The following SMYD3 variants were observed in gnomAD, a reference collection of about 807,000 sequenced individuals.
The protein encoded by SMYD3 is SET and MYND domain containing 3, also known as histone-lysine N-methyltransferase SMYD3.
In SMYD3, 36 loss-of-function variants were observed where a neutral mutation model predicts 57.7. That is an observed-to-expected ratio of 0.62 (90% confidence interval 0.48 to 0.82). The LOEUF (loss-of-function observed/expected upper bound fraction) is 0.82, where lower values mean the gene tolerates loss of function less well. Ranked by LOEUF, SMYD3 falls within the 40% of genes least tolerant of loss-of-function variation. The pLI, the probability that SMYD3 is intolerant of heterozygous loss-of-function variation, is 0.00. For missense variants in SMYD3, 515 were observed against 538.8 expected (o/e 0.96, Z 0.44); for synonymous variants, 211 against 195.0 (o/e 1.08, Z -0.68).
rs563414280 is a variant in SMYD3 at position 246,369,514 on chromosome 1, T to C, written c.165-14420A>G. ...AGACTCATAGGAAAATAGAATTGAT[T>C]TGGATTCATTTTTCTTTCTTTTTTA... On this transcript the variant is annotated intron_variant, in intron 1 of 11. Coordinates refer to ENST00000490107, the MANE Select transcript of SMYD3 (RefSeq NM_001167740.2). 3.9e-5 allele frequency among the ~76,000 whole-genome samples: 6 copies of C among 152,138 alleles called. No homozygotes were observed. The East Asian group carries it at 9.6e-4, about 24-fold the overall frequency.
intron 1 of SMYD3, among the ~76,000 whole-genome samples, chr1:246,467,205 AC>A (rs2067894946): frequency 6.6e-6 from 1 of 152,136 alleles, no homozygotes; most frequent in African/African-American, 2.4e-5. Context: ...AAAATAAAAT[AC>A]ACTTACCAAT....
intron 5 of SMYD3, among the ~76,000 whole-genome samples, chr1:246,143,359 C>T (rs2061792271): frequency 6.6e-6 from 1 of 152,152 alleles, no homozygotes. Context: ...AGTCAGTTCT[C>T]TCCATAACAC....
intron 1 of SMYD3, among the ~76,000 whole-genome samples, chr1:246,391,813 C>T (rs1033360926): frequency 6.6e-6 from 1 of 152,180 alleles, no homozygotes; most frequent in South Asian, 2.1e-4. Flanking sequence ...ACTCCCGTCT[C>T]CAGCTGTTCA....
In SMYD3 at chr1:246,136,317, A is replaced by G. The variant is rs556586008; in HGVS notation, c.531+190884T>C. ...TTTTTTAGTTGGCTACCCACCCCCA[A>G]TTCCAAAAGCATAGGTCCATCATGT... On this transcript the variant is annotated intron_variant, in intron 5 of 11. Transcript: ENST00000490107. Among the ~76,000 whole-genome samples the G allele has an allele frequency of 7.9e-5, 12 of 152,284 alleles. No homozygotes were observed. In the East Asian group the frequency reaches 2.1e-3, roughly 27 times the overall value.
intron 8 of SMYD3, among the ~76,000 whole-genome samples, chr1:245,875,402 G>A (rs563354436): frequency 6.6e-6 from 1 of 152,260 alleles, no homozygotes; most frequent in South Asian, 2.1e-4. Context: ...GGGGAGAGCT[G>A]GAAATAGATA....
intron 1 of SMYD3, among the ~76,000 whole-genome samples, chr1:246,369,610 T>C (rs1221399157): frequency 6.6e-6 from 1 of 152,154 alleles, no homozygotes; most frequent in African/African-American, 2.4e-5. Flanking sequence ...CACTGAAGCC[T>C]CTACCTCCCA....
chr1:246,045,261 A>C (rs2059943117), intron 5 of SMYD3, among the ~76,000 whole-genome samples: 1 of 152,194 alleles, frequency 6.6e-6, no homozygotes, highest in African/African-American at 2.4e-5. Context: ...ACAAAACAGC[A>C]TGGTACTGGT....
intron 10 of SMYD3, among the ~76,000 whole-genome samples, chr1:245,807,718 G>A (rs1258974490): frequency 3.3e-5 from 5 of 151,342 alleles, no homozygotes; most frequent in South Asian, 2.1e-4. Context: ...TTTCAGAGAC[G>A]CATCAAGTGA....
intron 1 of SMYD3, among the ~76,000 whole-genome samples, chr1:246,385,890 A>G (rs929429664): frequency 2.0e-5 from 3 of 152,116 alleles, no homozygotes; most frequent in Non-Finnish European, 4.4e-5. Context: ...GGAAGGCAGT[A>G]GAACACATAC....
intron 5 of SMYD3, among the ~76,000 whole-genome samples, chr1:245,969,084 T>C (rs539903329): frequency 6.6e-6 from 1 of 152,292 alleles, no homozygotes; most frequent in South Asian, 2.1e-4. Flanking sequence ...TTTAAATGGG[T>C]CTCTATTTTC....
intron 2 of SMYD3, among the ~76,000 whole-genome samples, chr1:246,343,084 C>T (rs901401687): frequency 1.6e-4 from 25 of 152,114 alleles, no homozygotes; most frequent in Admixed American, 9.8e-4. Context: ...TGAACACATA[C>T]GACAAAAATC....
intron 5 of SMYD3, among the ~76,000 whole-genome samples, chr1:246,235,339 C>T (rs1278986191): frequency 6.6e-6 from 1 of 152,184 alleles, no homozygotes; most frequent in Non-Finnish European, 1.5e-5. Context: ...ATAAATAACA[C>T]ATCAGCTTCT....
intron 5 of SMYD3, among the ~76,000 whole-genome samples, chr1:246,046,265 C>T (rs897716310): frequency 2.0e-5 from 3 of 152,116 alleles, no homozygotes; most frequent in Non-Finnish European, 2.9e-5. Flanking sequence ...GAAAATGTGG[C>T]ACATATACAC....
intron 1 of SMYD3, among the ~76,000 whole-genome samples, chr1:246,367,111 T>C (rs1347740673): frequency 6.6e-6 from 1 of 152,138 alleles, no homozygotes; most frequent in Admixed American, 6.5e-5. Flanking sequence ...AAATAGTGAA[T>C]GGAAGTTAGA....
intron 1 of SMYD3, among the ~76,000 whole-genome samples, chr1:246,423,366 A>G (rs1457754277): frequency 6.6e-6 from 1 of 152,064 alleles, no homozygotes; most frequent in African/African-American, 2.4e-5. Flanking sequence ...AGAAGGTATT[A>G]TAAGTACACA....
intron 1 of SMYD3, 63 bp downstream of exon 1, chr1:246,506,991 C>CCCCCCCCCCCCCG: frequency 1.2e-6 from 1 of 815,392 alleles, no homozygotes; most frequent in Non-Finnish European, 1.7e-6. Flanking sequence ...CGCCCGACGC[C>CCCCCCCCCCCCCG]CCCCCCTCCC....
intron 1 of SMYD3, among the ~76,000 whole-genome samples, chr1:246,378,841 TATATA>T (rs569659211): frequency 0.012 from 1,416 of 117,984 alleles, 45 homozygotes; most frequent in African/African-American, 0.042. Flanking sequence ...TATATAATTA[TATATA>T]ATATATTTAT....
chr1:246,070,846 T>G (rs1342817892), intron 5 of SMYD3, among the ~76,000 whole-genome samples: 1 of 152,192 alleles, frequency 6.6e-6, no homozygotes, highest in Non-Finnish European at 1.5e-5. Context: ...AGATAAAAAT[T>G]TATGTGTAAT....
At chr1:246,117,112 A>T (rs1457674169) in intron 5 of SMYD3, among the ~76,000 whole-genome samples, 1 of 152,242 alleles carries the variant, frequency 6.6e-6, no homozygotes, top group African/African-American at 2.4e-5. Flanking sequence ...CTGAATTACA[A>T]ATAATCCACT....
Sources: gnomAD v4.1 joint callset for allele counts (sites outside exome capture counted in the v4.1 genomes callset) on GRCh38, gnomAD v4.1.1 for gene constraint, MANE v1.5 for transcripts, NCBI Gene and HGNC (gene_info 2026-07-23, HGNC 2026-07-21) for gene names.